SCLT1: variants seen among roughly 807,000 people sequenced by gnomAD.
The protein encoded by SCLT1 is sodium channel and clathrin linker 1.
A neutral mutation model predicts 112.8 loss-of-function variants in SCLT1; 78 were observed. That is an observed-to-expected ratio of 0.69 (90% CI 0.58 to 0.83). SCLT1 has a LOEUF of 0.83. Ranked by LOEUF, SCLT1 falls within the 40% of genes least tolerant of loss-of-function variation. The probability of loss-of-function intolerance (pLI) is 0.00; values close to 1 mark genes in which losing one functional copy is unlikely to be tolerated. For synonymous variants in SCLT1, 257 were observed against 254.7 expected (o/e 1.01, Z -0.09); for missense variants, 747 against 770.4 (o/e 0.97, Z 0.36).
At chr4:129,035,675 T>C (rs1208863064) in intron 5 of SCLT1, among the ~76,000 whole-genome samples, 1 of 152,146 alleles carries the variant, frequency 6.6e-6, no homozygotes, top group Non-Finnish European at 1.5e-5. Flanking sequence ...TATTCATTCA[T>C]TTATTCAATT....
chr4:129,069,908 A>G (rs1475968985), intron 2 of SCLT1, among the ~76,000 whole-genome samples: 1 of 152,026 alleles, frequency 6.6e-6, no homozygotes, highest in Non-Finnish European at 1.5e-5. Context: ...GATGGCTTTT[A>G]TTATGTTGAG....
intron 18 of SCLT1, among the ~76,000 whole-genome samples, chr4:128,933,683 A>C (rs1247031069): frequency 6.6e-6 from 1 of 152,144 alleles, no homozygotes; most frequent in East Asian, 1.9e-4. Flanking sequence ...TAGAGAATAC[A>C]CGTTCTTAAC....
intron 3 of SCLT1, among the ~76,000 whole-genome samples, chr4:128,877,318 ATCTGGGATTCAATCCCAGCCTG>A (rs1025369854): frequency 2.6e-5 from 4 of 152,080 alleles, no homozygotes; most frequent in East Asian, 1.9e-4. Flanking sequence ...GTAGGGGTAG[ATCTGGGATTCAATCCCAGCCTG>A]TCTGGGATTG....
intron 9 of SCLT1, chr4:128,971,384 TTA>T (rs1740679201): frequency 6.6e-6 from 1 of 152,162 alleles, no homozygotes; most frequent in African/African-American, 2.4e-5. Context: ...ACTGCATTAC[TTA>T]TATAGTTATA....
Position 128,950,841 on chromosome 4 carries a change from T to G in SCLT1, c.1218+1928A>C, listed in dbSNP as rs575967300. Among the ~76,000 whole-genome samples the G allele has an allele frequency of 2.0e-5, 3 of 152,282 alleles. No homozygotes were observed. In the South Asian group the frequency reaches 6.2e-4, roughly 32 times the overall value. ...ATTAATTTTCTTATTTGATATAGATTAATAGCAATCTGCTACATGGCAGAA... is the reference window on the plus strand; with the variant it reads ...ATTAATTTTCTTATTTGATATAGATGAATAGCAATCTGCTACATGGCAGAA... On this transcript the variant is annotated intron_variant, in intron 14 of 20. Coordinates refer to ENST00000281142, the MANE Select transcript of SCLT1 (RefSeq NM_144643.4).
intron 5 of SCLT1, among the ~76,000 whole-genome samples, chr4:129,010,513 C>A (rs1002669073): frequency 1.6e-4 from 24 of 152,252 alleles, no homozygotes; most frequent in African/African-American, 5.8e-4. Context: ...GGCAGTATGA[C>A]CATTTTTACA....
chr4:129,051,239 T>C (rs549087421), intron 2 of SCLT1, among the ~76,000 whole-genome samples: 8 of 152,224 alleles, frequency 5.3e-5, no homozygotes, highest in Admixed American at 2.0e-4. Context: ...AAATTTAAAG[T>C]AGTTTTTTTC....
intron 1 of SCLT1, among the ~76,000 whole-genome samples, chr4:129,091,988 T>A (rs545868896): frequency 1.3e-5 from 2 of 152,310 alleles, no homozygotes; most frequent in East Asian, 3.9e-4. Context: ...TCTACCTCTT[T>A]CTCTCAAATC....
At chr4:128,979,448 G>A (rs1284071405) in intron 9 of SCLT1, among the ~76,000 whole-genome samples, 2 of 152,184 alleles carry the variant, frequency 1.3e-5, no homozygotes, top group African/African-American at 4.8e-5. Flanking sequence ...GACAAAGAGA[G>A]AAGGTGTCAT....
At chr4:128,893,190 T>G (rs1039409456) in intron 18 of SCLT1, among the ~76,000 whole-genome samples, 7 of 70,372 alleles carry the variant, frequency 9.9e-5, no homozygotes, top group African/African-American at 1.5e-4. Flanking sequence ...ATTTCATGCC[T>G]AAACTATTAT....
At position 129,082,330 on chromosome 4, in the gene SCLT1, A is replaced by T. The variant is rs1752012972; in HGVS notation, c.78T>A (p.Ser26Arg). Residue 26 changes from serine to arginine, a missense_variant, in exon 2 of 21, where the codon AGT becomes AGA. Ser to Arg is a moderately radical substitution (Grantham distance 110, BLOSUM62 -1). Around this residue, in one of 2 missense-constraint regions of SCLT1, gnomAD observed 723 missense variants for 721.3 expected, o/e 1.00. Coordinates refer to ENST00000281142, the MANE Select transcript of SCLT1 (RefSeq NM_144643.4). ...CCTGTACAGATGAATATTTGGAAAA[A>T]CTTTCCATTTGATACCGCCTAAAAT... ...NEDFRRYQME[S>R]FSKYSSVQKA... 3 of 1,585,978 alleles carry T rather than the reference A, an allele frequency of 1.9e-6. No individual in the cohort carries two copies. The highest frequency in any genetic ancestry group is 1.3e-5 in the African/African-American group (1 of 74,282).
chr4:128,959,292 T>C (rs2126013081), intron 12 of SCLT1, among the ~76,000 whole-genome samples: 1 of 151,666 alleles, frequency 6.6e-6, no homozygotes, highest in South Asian at 2.1e-4. Context: ...TAGGGTATAC[T>C]GAAGTAAAGC....
chr4:129,030,295 G>A (rs1746587989), intron 5 of SCLT1, among the ~76,000 whole-genome samples: 1 of 152,116 alleles, frequency 6.6e-6, no homozygotes. Flanking sequence ...CATAATCTCT[G>A]GGACACAGCT....
In SCLT1 at chr4:128,925,973, C is replaced by T. The variant is rs1019114183; in HGVS notation, c.1829+10682G>A. On this transcript the variant is annotated intron_variant, in intron 18 of 20. Coordinates refer to ENST00000281142, the MANE Select transcript of SCLT1 (RefSeq NM_144643.4). ...TCCTTTAAATCACTAAGAATATTTA[C>T]AATGGCTGGTTTAAAGTTCTCATGT... is the stretch of plus-strand genomic sequence containing the variant. Among the ~76,000 whole-genome samples the T allele has an allele frequency of 1.1e-4, 16 of 151,956 alleles. 1 individual carries two copies. The East Asian group carries it at 3.1e-3, about 29-fold the overall frequency.
intron 14 of SCLT1, among the ~76,000 whole-genome samples, chr4:128,950,197 G>A (rs922017804): frequency 6.6e-6 from 1 of 151,978 alleles, no homozygotes; most frequent in African/African-American, 2.4e-5. Context: ...ACCTACATTC[G>A]TAACTCCTCC....
chr4:128,931,454 T>G (rs932604543), intron 18 of SCLT1, among the ~76,000 whole-genome samples: 1 of 152,104 alleles, frequency 6.6e-6, no homozygotes, highest in Non-Finnish European at 1.5e-5. Flanking sequence ...ACATTTGCTA[T>G]TACAGAATTT....
intron 18 of SCLT1, among the ~76,000 whole-genome samples, chr4:128,934,428 A>G (rs1408964247): frequency 6.6e-6 from 1 of 151,890 alleles, no homozygotes; most frequent in African/African-American, 2.4e-5. Context: ...GATTACAGTG[A>G]ATCTATAGGT....
At chr4:129,069,496 C>T (rs758943846) in intron 2 of SCLT1, among the ~76,000 whole-genome samples, 3 of 89,218 alleles carry the variant, frequency 3.4e-5, no homozygotes, top group Non-Finnish European at 8.5e-5. Context: ...AGGTATATTC[C>T]TAAGCATTTT....
intron 9 of SCLT1, among the ~76,000 whole-genome samples, chr4:128,988,630 C>T (rs1742304930): frequency 6.6e-6 from 1 of 151,548 alleles, no homozygotes; most frequent in African/African-American, 2.4e-5. Context: ...GAGTCCTTTC[C>T]TATTACTAAT....
Sources: allele counts gnomAD v4.1 joint callset (sites outside exome capture counted in the v4.1 genomes callset), GRCh38; gene constraint gnomAD v4.1.1; regional missense constraint gnomAD v4.1.1; transcripts MANE v1.5; gene names NCBI Gene and HGNC (gene_info 2026-07-23, HGNC 2026-07-21).